C1orf21: variants seen among roughly 807,000 people sequenced by gnomAD.
C1orf21 encodes uncharacterized protein C1orf21.
C1orf21 carries 3 observed loss-of-function variants against 18.7 expected under a neutral mutation model. The ratio of observed to expected loss-of-function variants is 0.16; its 90% CI spans 0.07 to 0.42. The LOEUF (loss-of-function observed/expected upper bound fraction) is 0.42, where lower values mean the gene tolerates loss of function less well. C1orf21 is among the 10% of genes least tolerant of loss of function. The probability of loss-of-function intolerance (pLI) is 0.99; values close to 1 mark genes in which losing one functional copy is unlikely to be tolerated. For synonymous variants in C1orf21, 41 were observed against 46.4 expected (o/e 0.88, Z 0.47); for missense variants, 104 against 143.6 (o/e 0.72, Z 1.41).
chr1:184,548,789 A>G (rs190470087), intron 3 of C1orf21, among the ~76,000 whole-genome samples: 2 of 152,360 alleles, frequency 1.3e-5, no homozygotes, highest in Admixed American at 6.5e-5. Context: ...GCAACAAGCC[A>G]GTAGTAATAG....
intron 3 of C1orf21, among the ~76,000 whole-genome samples, chr1:184,526,596 A>G (rs1658380774): frequency 6.6e-6 from 1 of 152,142 alleles, no homozygotes; most frequent in Non-Finnish European, 1.5e-5. Flanking sequence ...TTGTTTGACA[A>G]CTTTATGGCC....
intron 1 of C1orf21, among the ~76,000 whole-genome samples, chr1:184,451,462 ATTTTTTT>A (rs374550435): frequency 6.3e-4 from 49 of 77,784 alleles, no homozygotes; most frequent in African/African-American, 8.9e-4. Flanking sequence ...GGCTAATTTA[ATTTTTTT>A]TTTTTTTTTT....
chr1:184,544,547 T>C (rs139698506), intron 3 of C1orf21, among the ~76,000 whole-genome samples: 32 of 152,370 alleles, frequency 2.1e-4, no homozygotes, highest in African/African-American at 7.7e-4. Context: ...CATTGGTAGA[T>C]AATTTATCAA....
intron 3 of C1orf21, among the ~76,000 whole-genome samples, chr1:184,583,615 A>C (rs1242841779): frequency 6.6e-6 from 1 of 152,224 alleles, no homozygotes; most frequent in Non-Finnish European, 1.5e-5. Flanking sequence ...TTTCTGCTGA[A>C]ATAGACGTGC....
At chr1:184,586,924 T>G (rs1323335036) in intron 3 of C1orf21, among the ~76,000 whole-genome samples, 1 of 152,214 alleles carries the variant, frequency 6.6e-6, no homozygotes, top group Non-Finnish European at 1.5e-5. Context: ...GGGTTTTACA[T>G]TTAAGCCTTT....
At chr1:184,427,924 G>A (rs181096824) in intron 1 of C1orf21, among the ~76,000 whole-genome samples, 2 of 152,120 alleles carry the variant, frequency 1.3e-5, no homozygotes, top group Admixed American at 1.3e-4. Context: ...CTTAGGTAAG[G>A]GCCTTATGTC....
chr1:184,501,769 GT>G (rs1657979698), intron 2 of C1orf21, among the ~76,000 whole-genome samples: 1 of 152,178 alleles, frequency 6.6e-6, no homozygotes, highest in African/African-American at 2.4e-5. Flanking sequence ...CCATCTTTAT[GT>G]CTGGACTAAA....
intron 1 of C1orf21, among the ~76,000 whole-genome samples, chr1:184,424,875 A>G (rs1360431363): frequency 6.6e-6 from 1 of 152,238 alleles, no homozygotes; most frequent in East Asian, 1.9e-4. Flanking sequence ...GTGAAGATAC[A>G]TTAGCAGAAG....
At chr1:184,571,226 G>A (rs1659106559) in intron 3 of C1orf21, among the ~76,000 whole-genome samples, 1 of 149,346 alleles carries the variant, frequency 6.7e-6, no homozygotes, top group African/African-American at 2.5e-5. Context: ...GAACCCGGGA[G>A]GCGGAGCTTG....
chr1:184,571,296 CAAAA>C (rs66868646), intron 3 of C1orf21, among the ~76,000 whole-genome samples: 2 of 85,574 alleles, frequency 2.3e-5, no homozygotes, highest in African/African-American at 8.7e-5. Context: ...GACTCCGTCT[CAAAA>C]AAAAAAAAAA....
intron 3 of C1orf21, among the ~76,000 whole-genome samples, chr1:184,587,262 C>CTTTTTT (rs35263651): frequency 1.3e-5 from 1 of 76,452 alleles, no homozygotes; most frequent in South Asian, 5.1e-4. Context: ...GCTATTTGGG[C>CTTTTTT]TTTTTTTTTT....
intron 1 of C1orf21, among the ~76,000 whole-genome samples, chr1:184,418,121 C>T (rs1366237673): frequency 6.6e-6 from 1 of 152,212 alleles, no homozygotes; most frequent in East Asian, 1.9e-4. Context: ...GAAACTTTTG[C>T]TCATAGATCC....
At chr1:184,462,933 G>C (rs1032345278) in intron 1 of C1orf21, among the ~76,000 whole-genome samples, 23 of 151,716 alleles carry the variant, frequency 1.5e-4, no homozygotes, top group African/African-American at 4.8e-4. Context: ...AATACAAAAA[G>C]TAGCTCAGCG....
chr1:184,422,321 T>C (rs914718821), intron 1 of C1orf21, among the ~76,000 whole-genome samples: 1 of 152,238 alleles, frequency 6.6e-6, no homozygotes, highest in Non-Finnish European at 1.5e-5. Flanking sequence ...ATCAAACACT[T>C]GCCTTCCTCT....
chr1:184,557,931 G>C (rs925509596), intron 3 of C1orf21, among the ~76,000 whole-genome samples: 4 of 152,088 alleles, frequency 2.6e-5, no homozygotes, highest in Non-Finnish European at 4.4e-5. Context: ...ATGTGAAGTG[G>C]GGAATTCCTG....
chr1:184,510,797 T>C (rs1658132294), intron 3 of C1orf21, among the ~76,000 whole-genome samples: 1 of 146,226 alleles, frequency 6.8e-6, no homozygotes, highest in Admixed American at 7.3e-5. Flanking sequence ...TGGGGATTGG[T>C]AGAATGGGAT....
intron 3 of C1orf21, among the ~76,000 whole-genome samples, chr1:184,541,041 A>G (rs1658642414): frequency 1.3e-5 from 2 of 152,178 alleles, no homozygotes; most frequent in African/African-American, 2.4e-5. Flanking sequence ...CTTCATAACA[A>G]TCATCATTTA....
At chr1:184,599,952 T>G (rs538303528) in intron 5 of C1orf21, among the ~76,000 whole-genome samples, 1 of 152,310 alleles carries the variant, frequency 6.6e-6, no homozygotes, top group South Asian at 2.1e-4. Context: ...GCATTTCAGA[T>G]AAGGAATACT....
chr1:184,543,453 A>C (rs1429157448), intron 3 of C1orf21, among the ~76,000 whole-genome samples: 1 of 152,206 alleles, frequency 6.6e-6, no homozygotes, highest in African/African-American at 2.4e-5. Context: ...TCAGCTAGTT[A>C]GTTTAATAAC....
Sources: allele counts gnomAD v4.1 joint callset (sites outside exome capture counted in the v4.1 genomes callset), GRCh38; gene constraint gnomAD v4.1.1; transcripts MANE v1.5; gene names NCBI Gene and HGNC (gene_info 2026-07-23, HGNC 2026-07-21).